Variants in GAL3ST1 observed in about 807,000 individuals in gnomAD.
GAL3ST1 encodes galactosylceramide sulfotransferase.
A neutral mutation model predicts 25.0 loss-of-function variants in GAL3ST1; 13 were observed. The observed-to-expected ratio is 0.52, with a 90% CI of 0.34 to 0.83. The LOEUF (loss-of-function observed/expected upper bound fraction) is 0.83, where lower values mean the gene tolerates loss of function less well. Ranked by LOEUF, GAL3ST1 falls within the 40% of genes least tolerant of loss-of-function variation. GAL3ST1 has a pLI of 0.02. For synonymous variants in GAL3ST1, 274 were observed against 277.8 expected, an observed-to-expected ratio of 0.99 and a Z score of 0.14; for missense variants, 474 against 613.6, an observed-to-expected ratio of 0.77 and a Z score of 2.40.
chr22:30,573,543 C>A (rs574248110), intron 1 of GAL3ST1, among the ~76,000 whole-genome samples: 1 of 152,216 alleles, frequency 6.6e-6, no homozygotes, highest in African/African-American at 2.4e-5. Context: ...CCTCAGGTCA[C>A]CCCGTCAGTA....
chr22:30,562,167 C>T (rs1010632576), intron 1 of GAL3ST1, among the ~76,000 whole-genome samples: 1 of 152,120 alleles, frequency 6.6e-6, no homozygotes, highest in South Asian at 2.1e-4. Context: ...CTTCTTGCCT[C>T]GGCCTCCTGA....
In GAL3ST1 at chr22:30,555,294, A is replaced by T; in HGVS notation, c.931T>A (p.Phe311Ile). ...NMLDSHLYRHFNASFWRKVEA... is the reference protein window; with the variant it reads ...NMLDSHLYRHINASFWRKVEA... ...ACCTTGCGCCAGAAGCTGGCGTTGA[A>T]GTGGCGGTAGAGGTGGGAGTCCAGC... Residue 311 changes from phenylalanine (F) to isoleucine (I), a missense_variant, in exon 4 of 4, where the codon TTC becomes ATC. By Grantham distance (21) the Phe-to-Ile change is conservative. This residue lies in a region of GAL3ST1 where 359 missense variants were observed against 504.4 expected (regional missense o/e 0.71). Coordinates refer to ENST00000406361, the MANE Select transcript of GAL3ST1 (RefSeq NM_001318104.2). This position sits in a 1 kb window ranked among gnomAD's most constrained non-coding sequence, Gnocchi z 8.6. 2 of 1,602,224 alleles carry T rather than the reference A, an allele frequency of 1.2e-6. No individual in the cohort carries two copies. The highest frequency in any genetic ancestry group is 1.7e-6 in the Non-Finnish European group (2 of 1,175,734).
intron 1 of GAL3ST1, among the ~76,000 whole-genome samples, chr22:30,564,273 A>G (rs2086551501): frequency 6.6e-6 from 1 of 152,116 alleles, no homozygotes; most frequent in Non-Finnish European, 1.5e-5. Context: ...CCCAGCCACA[A>G]CCCCATCAAA....
At chr22:30,559,769 G>A (rs917328017) in intron 1 of GAL3ST1, among the ~76,000 whole-genome samples, 3 of 152,168 alleles carry the variant, frequency 2.0e-5, no homozygotes, top group Admixed American at 1.3e-4. Flanking sequence ...GGCAGTTCAG[G>A]CTGAGGAACT....
At chr22:30,558,189 C>T (rs1248306548) in intron 2 of GAL3ST1, 90 bp downstream of exon 2, 1 of 151,648 alleles carries the variant, frequency 6.6e-6, no homozygotes, top group African/African-American at 2.4e-5. Flanking sequence ...GTGCTTGAGC[C>T]AGGAGTTCAA....
chr22:30,567,104 G>C (rs903065477), intron 1 of GAL3ST1, among the ~76,000 whole-genome samples: 1 of 151,860 alleles, frequency 6.6e-6, no homozygotes, highest in Non-Finnish European at 1.5e-5. Flanking sequence ...TTACAGACAT[G>C]CACCATGGTG....
rs1222913559 is a variant in GAL3ST1 at position 30,555,037 on chromosome 22, G to A, written c.1188C>T (p.Pro396=). 1.2e-6 allele frequency: 2 copies of A among 1,611,306 alleles called. No homozygotes were observed. Among genetic ancestry groups the A allele is most frequent in the Non-Finnish European group, 1.7e-6 (2 of 1,178,426 alleles). Residue 396 remains proline (P), a synonymous_variant, in exon 4 of 4, where the codon CCC becomes CCT. Coordinates refer to ENST00000406361, the MANE Select transcript of GAL3ST1 (RefSeq NM_001318104.2). This position sits in a 1 kb window ranked among gnomAD's most constrained non-coding sequence, Gnocchi z 8.6. ...CGAGGTCCATCAGGTACTGGATCTCGGGCGTGAGCATGCGCCGGCAGAGCT... is the reference window on the plus strand; with the variant it reads ...CGAGGTCCATCAGGTACTGGATCTCAGGCGTGAGCATGCGCCGGCAGAGCT... ...HAQLCRRMLT[P]EIQYLMDLGA...
At chr22:30,558,746 C>G (rs1044020692) in intron 1 of GAL3ST1, among the ~76,000 whole-genome samples, 2 of 152,234 alleles carry the variant, frequency 1.3e-5, no homozygotes, top group African/African-American at 4.8e-5. Flanking sequence ...TACCCACCCC[C>G]TTTCCAAAGC....
intron 1 of GAL3ST1, among the ~76,000 whole-genome samples, chr22:30,562,448 G>A (rs965616866): frequency 1.4e-4 from 22 of 152,142 alleles, no homozygotes; most frequent in Non-Finnish European, 2.1e-4. Flanking sequence ...AGTGCTGGGT[G>A]TAAGCCACCA....
At chr22:30,564,133 C>A (rs1471292562) in intron 1 of GAL3ST1, among the ~76,000 whole-genome samples, 1 of 152,244 alleles carries the variant, frequency 6.6e-6, no homozygotes, top group South Asian at 2.1e-4. Context: ...CCCTCCATCA[C>A]AGGGTGCTGT....
chr22:30,562,157 C>T (rs894902439), intron 1 of GAL3ST1, among the ~76,000 whole-genome samples: 4 of 152,146 alleles, frequency 2.6e-5, no homozygotes, highest in Admixed American at 1.3e-4. Flanking sequence ...CTCAGTGGAT[C>T]TTCTTGCCTC....
At chr22:30,559,997 G>A (rs1380984140) in intron 1 of GAL3ST1, among the ~76,000 whole-genome samples, 1 of 152,218 alleles carries the variant, frequency 6.6e-6, no homozygotes, top group Non-Finnish European at 1.5e-5. Flanking sequence ...CCCCCTGGGG[G>A]AGGGTCACAC....
Position 30,555,659 on chromosome 22 carries a change from G to A in GAL3ST1, c.566C>T (p.Ala189Val). ...CAGGAACTCGGTCAGCTTGTCGCCGGCCGAGAGCTTCCACGTGAGGGGCAC... is the reference window on the plus strand; with the variant it reads ...CAGGAACTCGGTCAGCTTGTCGCCGACCGAGAGCTTCCACGTGAGGGGCAC... The part of the protein sequence containing the change: ...PVVPLTWKLS[A>V]GDKLTEFLQD... Residue 189 changes from alanine to valine, a missense_variant, in exon 4 of 4, where the codon GCC becomes GTC. Transcript: ENST00000406361. The surrounding 1 kb of genome is among the most constrained non-coding windows in gnomAD (Gnocchi z 8.6). 6.2e-7 allele frequency: 1 copy of A among 1,613,670 alleles called. No homozygotes were observed.
chr22:30,555,463 G>A lies in GAL3ST1; in HGVS notation c.762C>T (p.Tyr254=), dbSNP rs114194993. ...RRFHLVLLQE[Y]FDESLVLLKD... is the part of the protein sequence containing the mutation. Reference sequence around the variant, plus strand: ...TCAGCAGCACCAGCGACTCGTCGAAGTACTCTTGAAGGAGCACCAGGTGGA... The same window carrying A: ...TCAGCAGCACCAGCGACTCGTCGAAATACTCTTGAAGGAGCACCAGGTGGA... Residue 254 remains tyrosine (Y), a synonymous_variant, in exon 4 of 4, where the codon TAC becomes TAT. Coordinates refer to ENST00000406361, the MANE Select transcript of GAL3ST1 (RefSeq NM_001318104.2). This position sits in a 1 kb window ranked among gnomAD's most constrained non-coding sequence, Gnocchi z 8.6. 1.9e-6 allele frequency: 3 copies of A among 1,613,394 alleles called. No individual in the cohort carries two copies. The highest frequency in any genetic ancestry group is 1.1e-5 in the South Asian group (1 of 91,086).
At chr22:30,565,061 T>C (rs42932) in intron 1 of GAL3ST1, 71,692 of 152,470 alleles carry the variant, frequency 0.47, 18,238 homozygotes, top group African/African-American at 0.68. Context: ...ACTGGACAGC[T>C]CTGGCCAGTC....
intron 1 of GAL3ST1, among the ~76,000 whole-genome samples, chr22:30,568,847 G>A (rs1288899961): frequency 6.6e-6 from 1 of 151,990 alleles, no homozygotes; most frequent in Non-Finnish European, 1.5e-5. Context: ...AGGCTAAGGC[G>A]GGCAGATCAC....
chr22:30,563,571 G>A (rs760933371), intron 1 of GAL3ST1, among the ~76,000 whole-genome samples: 5 of 151,940 alleles, frequency 3.3e-5, no homozygotes, highest in Admixed American at 6.6e-5. Context: ...AGCCATGATC[G>A]TGCCACTAAA....
chr22:30,555,299 C>T lies in GAL3ST1; in HGVS notation c.926G>A (p.Arg309His), dbSNP rs759050757. 2 of 1,602,476 alleles carry T rather than the reference C, an allele frequency of 1.2e-6. No homozygotes were observed. The highest frequency in any genetic ancestry group is 1.7e-5 in the Admixed American group (1 of 59,704). Residue 309 changes from arginine (R) to histidine (H), a missense_variant, in exon 4 of 4, where the codon CGC becomes CAC. This residue lies in a region of GAL3ST1 where 359 missense variants were observed against 504.4 expected (regional missense o/e 0.71). Coordinates refer to ENST00000406361, the MANE Select transcript of GAL3ST1 (RefSeq NM_001318104.2). The surrounding 1 kb of genome is among the most constrained non-coding windows in gnomAD (Gnocchi z 8.6). ...AWNMLDSHLY[R>H]HFNASFWRKV... ...GCGCCAGAAGCTGGCGTTGAAGTGG[C>T]GGTAGAGGTGGGAGTCCAGCATGTT...
rs566515964 is a variant in GAL3ST1, at chr22:30,555,710, G to A, written c.515C>T (p.Ser172Phe). Residue 172 changes from serine (S) to phenylalanine (F), a missense_variant, in exon 4 of 4, where the codon TCC becomes TTC. Physicochemically the swap from Ser to Phe is radical, Grantham distance 155 (BLOSUM62 -2). Around this residue, in one of 2 missense-constraint regions of GAL3ST1, gnomAD observed 359 missense variants for 504.4 expected, o/e 0.71. Transcript: ENST00000406361. This position sits in a 1 kb window ranked among gnomAD's most constrained non-coding sequence, Gnocchi z 8.6. Reference protein sequence around the residue: ...VLRDPARLFESSFHYFGPVVP... With the variant: ...VLRDPARLFEFSFHYFGPVVP... ...CACCGGCCCGAAGTAGTGGAAGGAG[G>A]ACTCGAACAAGCGGGCGGGGTCGCG... is the stretch of plus-strand genomic sequence containing the variant. 1 of 1,613,962 alleles carries A rather than the reference G, an allele frequency of 6.2e-7. No homozygotes were observed. The highest frequency in any genetic ancestry group is 1.7e-5 in the Admixed American group (1 of 60,034).
Sources: allele counts gnomAD v4.1 joint callset (sites outside exome capture counted in the v4.1 genomes callset), GRCh38; gene constraint gnomAD v4.1.1; regional missense constraint gnomAD v4.1.1; non-coding constraint Gnocchi (gnomAD v3.1); transcripts MANE v1.5; gene names NCBI Gene and HGNC (gene_info 2026-07-23, HGNC 2026-07-21).